Variants in CA10 observed in about 807,000 individuals in gnomAD.
The protein encoded by CA10 is carbonic anhydrase-related protein 10.
Under a neutral mutation model 44.2 loss-of-function variants are expected in CA10, and 14 were observed. That is an observed-to-expected ratio of 0.32 (90% CI 0.21 to 0.50). The LOEUF (loss-of-function observed/expected upper bound fraction) is 0.50. Ranked by LOEUF, CA10 falls within the 20% of genes least tolerant of loss-of-function variation. The pLI, the probability that CA10 is intolerant of heterozygous loss-of-function variation, is 0.99. For missense variants in CA10, 350 were observed against 409.7 expected, an observed-to-expected ratio of 0.85 and a Z score of 1.26; for synonymous variants, 159 against 141.6, an observed-to-expected ratio of 1.12 and a Z score of -0.87.
chr17:51,854,127 T>G (rs1978929866), intron 3 of CA10, among the ~76,000 whole-genome samples: 1 of 152,184 alleles, frequency 6.6e-6, no homozygotes, highest in Non-Finnish European at 1.5e-5. Flanking sequence ...CTCGCCAAGA[T>G]TCTCAGGGAA....
chr17:51,667,224 C>A (rs1250592785), intron 4 of CA10, among the ~76,000 whole-genome samples: 1 of 152,158 alleles, frequency 6.6e-6, no homozygotes, highest in Non-Finnish European at 1.5e-5. Flanking sequence ...GATGGGAGGG[C>A]TTTTGGGCCA....
intron 3 of CA10, among the ~76,000 whole-genome samples, chr17:51,887,215 GT>G (rs776309619): frequency 1.6e-4 from 25 of 151,698 alleles, no homozygotes; most frequent in Admixed American, 3.3e-4. Context: ...ACAAGTCTTT[GT>G]ATAGATTTGT....
At chr17:51,932,510 A>G (rs1355904905) in intron 2 of CA10, among the ~76,000 whole-genome samples, 1 of 152,158 alleles carries the variant, frequency 6.6e-6, no homozygotes, top group African/African-American at 2.4e-5. Flanking sequence ...TGGCCTAGAC[A>G]AACACTTCAA....
chr17:51,958,053 G>A (rs114970506), intron 2 of CA10, among the ~76,000 whole-genome samples: 135 of 152,196 alleles, frequency 8.9e-4, no homozygotes, highest in African/African-American at 3.2e-3. Flanking sequence ...AGAAGGCAGG[G>A]ACTCATCTAA....
chr17:52,094,395 A>G (rs1451500318), intron 1 of CA10, among the ~76,000 whole-genome samples: 1 of 152,186 alleles, frequency 6.6e-6, no homozygotes, highest in Non-Finnish European at 1.5e-5. Context: ...ATAGGAATGT[A>G]TCGTCAGGAA....
At chr17:51,806,587 C>T (rs1425540858) in intron 3 of CA10, among the ~76,000 whole-genome samples, 1 of 152,136 alleles carries the variant, frequency 6.6e-6, no homozygotes, top group Non-Finnish European at 1.5e-5. Flanking sequence ...TGGCACTATG[C>T]CTGGTACAGT....
At chr17:52,005,821 C>T (rs1258250529) in intron 2 of CA10, among the ~76,000 whole-genome samples, 1 of 151,746 alleles carries the variant, frequency 6.6e-6, no homozygotes, top group Admixed American at 6.6e-5. Context: ...CAACCAGCGG[C>T]TGGAGAATGG....
At chr17:51,970,291 T>C (rs557191108) in intron 2 of CA10, among the ~76,000 whole-genome samples, 1 of 151,880 alleles carries the variant, frequency 6.6e-6, no homozygotes, top group South Asian at 2.1e-4. Flanking sequence ...ATTAAAAATA[T>C]ATATGAAAAA....
intron 2 of CA10, among the ~76,000 whole-genome samples, chr17:52,035,335 G>A (rs944454584): frequency 1.4e-5 from 2 of 147,000 alleles, no homozygotes; most frequent in African/African-American, 4.9e-5. Context: ...GACTTCAAGG[G>A]AAGATTACCT....
chr17:51,673,697 T>C (rs1415111072), intron 4 of CA10, among the ~76,000 whole-genome samples: 4 of 152,178 alleles, frequency 2.6e-5, no homozygotes. Context: ...ACCTTATGTC[T>C]CTCGAAGCCA....
Position 51,849,185 on chromosome 17 carries a change from ATATATATATATACATATATG to A in CA10, c.279+81785_279+81804del, listed in dbSNP as rs1453966970. On this transcript the variant is annotated intron_variant, in intron 3 of 8. Coordinates refer to ENST00000451037, the MANE Select transcript of CA10 (RefSeq NM_020178.5). The stretch of plus-strand genomic sequence containing the variant: ...TATGTATATATATATACATATATGT[ATATATATATATACATATATG>A]TATATATATATATACATATATGTGT... 3.1e-3 allele frequency among the ~76,000 whole-genome samples: 169 copies of A among 54,476 alleles called. 3 individuals carry two copies. Among genetic ancestry groups the A allele is most frequent in the Middle Eastern group, 8.9e-3 (1 of 112 alleles). The allele number at this position is 54,476 out of a possible 152,430, so 35.7% of individuals were successfully genotyped here. A position where few individuals can be genotyped will look rare whatever the true frequency, so the allele number is the denominator to read the frequency against.
chr17:52,099,104 C>A (rs1476765216), intron 1 of CA10, among the ~76,000 whole-genome samples: 1 of 152,050 alleles, frequency 6.6e-6, no homozygotes, highest in South Asian at 2.1e-4. Flanking sequence ...AGAATGATGT[C>A]ATTTAAGCTC....
At chr17:52,012,322 C>CAG (rs1567702263) in intron 2 of CA10, among the ~76,000 whole-genome samples, 3 of 151,862 alleles carry the variant, frequency 2.0e-5, no homozygotes, top group African/African-American at 7.3e-5. Flanking sequence ...TTAACAATGG[C>CAG]CACACAGCTG....
intron 2 of CA10, among the ~76,000 whole-genome samples, chr17:52,041,367 C>T (rs1986764516): frequency 6.6e-6 from 1 of 152,102 alleles, no homozygotes; most frequent in East Asian, 2.0e-4. Flanking sequence ...TCATGATTTT[C>T]CATATGTTCA....
At chr17:52,028,349 A>G (rs1461043851) in intron 2 of CA10, among the ~76,000 whole-genome samples, 1 of 152,214 alleles carries the variant, frequency 6.6e-6, no homozygotes, top group East Asian at 1.9e-4. Context: ...ATTAATAGAA[A>G]AAGTATACCA....
At chr17:51,868,083 C>T (rs920288434) in intron 3 of CA10, among the ~76,000 whole-genome samples, 3 of 150,716 alleles carry the variant, frequency 2.0e-5, no homozygotes, top group African/African-American at 2.5e-5. Flanking sequence ...CACACACACA[C>T]ACACACACAC....
At chr17:51,845,366 A>C (rs1978446172) in intron 3 of CA10, among the ~76,000 whole-genome samples, 2 of 152,186 alleles carry the variant, frequency 1.3e-5, no homozygotes, top group Non-Finnish European at 2.9e-5. Flanking sequence ...ATATTCTAGC[A>C]GCCTGCAGAG....
At chr17:51,883,669 T>A (rs558913458) in intron 3 of CA10, among the ~76,000 whole-genome samples, 1 of 152,314 alleles carries the variant, frequency 6.6e-6, no homozygotes, top group South Asian at 2.1e-4. Context: ...GGCAGCTCCA[T>A]CTTAAGTTCC....
chr17:51,633,454 C>T (rs769534404), intron 8 of CA10, 22 bp downstream of exon 8: 1 of 1,604,512 alleles, frequency 6.2e-7, no homozygotes, highest in Non-Finnish European at 8.5e-7. Flanking sequence ...AGATCCTCCA[C>T]TCTCTGAGCC....
Sources: allele counts gnomAD v4.1 joint callset (sites outside exome capture counted in the v4.1 genomes callset), GRCh38; gene constraint gnomAD v4.1.1; transcripts MANE v1.5; gene names NCBI Gene and HGNC (gene_info 2026-07-23, HGNC 2026-07-21).